CNTNAP5: variants seen among roughly 807,000 people sequenced by gnomAD.
The protein encoded by CNTNAP5 is contactin-associated protein-like 5.
A neutral mutation model predicts 150.2 loss-of-function variants in CNTNAP5; 72 were observed. That is an observed-to-expected ratio of 0.48 (90% CI 0.40 to 0.58). The LOEUF is 0.58. Among genes scored for constraint, CNTNAP5 ranks in the 20% least tolerant of loss-of-function variants. The pLI is 0.00. For missense variants in CNTNAP5, 1,636 were observed against 1,626.2 expected (o/e 1.01, Z -0.10); for synonymous variants, 672 against 619.8 (o/e 1.08, Z -1.25).
intron 13 of CNTNAP5, among the ~76,000 whole-genome samples, chr2:124,673,827 CGAT>C (rs1678871952): frequency 6.7e-6 from 1 of 149,610 alleles, no homozygotes; most frequent in Non-Finnish European, 1.5e-5. Flanking sequence ...AATATTTTCA[CGAT>C]GATAAGGTAC....
At chr2:124,778,961 C>T (rs537620768) in intron 17 of CNTNAP5, among the ~76,000 whole-genome samples, 1 of 152,154 alleles carries the variant, frequency 6.6e-6, no homozygotes, top group Non-Finnish European at 1.5e-5. Context: ...TGCTCCAATT[C>T]GGCTTCCAGT....
intron 22 of CNTNAP5, among the ~76,000 whole-genome samples, chr2:124,904,659 G>A (rs925171978): frequency 6.6e-6 from 1 of 152,062 alleles, no homozygotes; most frequent in Non-Finnish European, 1.5e-5. Flanking sequence ...TTGTGATGGG[G>A]AAATTGAATA....
At chr2:124,826,682 T>C (rs1029732348) in intron 19 of CNTNAP5, among the ~76,000 whole-genome samples, 3 of 152,060 alleles carry the variant, frequency 2.0e-5, no homozygotes, top group African/African-American at 7.2e-5. Context: ...CTGGAAGCTA[T>C]GGGGTAGGGC....
At chr2:124,145,789 T>A (rs1218069535) in intron 1 of CNTNAP5, among the ~76,000 whole-genome samples, 1 of 35,416 alleles carries the variant, frequency 2.8e-5, no homozygotes, top group Non-Finnish European at 5.3e-5. Flanking sequence ...AAACTTAAAG[T>A]ATAATAAAAA....
chr2:124,313,567 A>T (rs1688886076), intron 3 of CNTNAP5, among the ~76,000 whole-genome samples: 1 of 152,198 alleles, frequency 6.6e-6, no homozygotes, highest in Non-Finnish European at 1.5e-5. Flanking sequence ...CTGTCTTAAC[A>T]TACATTTCTA....
At chr2:124,530,483 C>T (rs1290502674) in intron 10 of CNTNAP5, among the ~76,000 whole-genome samples, 1 of 152,166 alleles carries the variant, frequency 6.6e-6, no homozygotes, top group East Asian at 1.9e-4. Flanking sequence ...TATTTACAAA[C>T]CACCTTTGAT....
At chr2:124,719,732 T>G (rs886132210) in intron 13 of CNTNAP5, among the ~76,000 whole-genome samples, 1 of 152,172 alleles carries the variant, frequency 6.6e-6, no homozygotes, top group Non-Finnish European at 1.5e-5. Context: ...AATTAATCTT[T>G]TTTATTATGA....
chr2:124,607,636 T>A (rs754322470), intron 11 of CNTNAP5, among the ~76,000 whole-genome samples: 73 of 152,150 alleles, frequency 4.8e-4, no homozygotes, highest in Non-Finnish European at 9.0e-4. Flanking sequence ...TTGTCCACGC[T>A]TCCACAGGGA....
chr2:124,436,105 G>T (rs769553116), intron 5 of CNTNAP5, among the ~76,000 whole-genome samples: 9 of 152,204 alleles, frequency 5.9e-5, no homozygotes, highest in Non-Finnish European at 1.0e-4. Context: ...GATGAATGAA[G>T]TTGAACCTCC....
At chr2:124,566,194 A>G (rs2104933931) in intron 11 of CNTNAP5, among the ~76,000 whole-genome samples, 1 of 152,288 alleles carries the variant, frequency 6.6e-6, no homozygotes, top group Non-Finnish European at 1.5e-5. Context: ...GAAGTCAGAG[A>G]CAACTGAAAT....
intron 16 of CNTNAP5, among the ~76,000 whole-genome samples, chr2:124,766,506 C>T (rs755986903): frequency 3.5e-4 from 53 of 151,952 alleles, no homozygotes; most frequent in Non-Finnish European, 7.4e-4. Context: ...ACAATACATA[C>T]AAGGAAAAAG....
At chr2:124,835,981 T>C (rs923662005) in intron 19 of CNTNAP5, among the ~76,000 whole-genome samples, 7 of 152,234 alleles carry the variant, frequency 4.6e-5, no homozygotes, top group African/African-American at 1.7e-4. Context: ...AGTTAGATTA[T>C]TCAGAAAATA....
chr2:124,190,122 C>T (rs996675807), intron 1 of CNTNAP5, among the ~76,000 whole-genome samples: 16 of 152,162 alleles, frequency 1.1e-4, no homozygotes, highest in Admixed American at 6.5e-5. Flanking sequence ...ATATGTTTTG[C>T]TAGACCACTT....
chr2:124,710,368 A>G (rs1297271531), intron 13 of CNTNAP5, among the ~76,000 whole-genome samples: 3 of 152,214 alleles, frequency 2.0e-5, no homozygotes, highest in Non-Finnish European at 4.4e-5. Flanking sequence ...TAAGCAAAAT[A>G]AAACAAGCTT....
intron 1 of CNTNAP5, among the ~76,000 whole-genome samples, chr2:124,166,087 T>G: frequency 6.6e-6 from 1 of 152,162 alleles, no homozygotes; most frequent in East Asian, 1.9e-4. Flanking sequence ...GATCCCAGAA[T>G]TCATGTTTTC....
intron 1 of CNTNAP5, among the ~76,000 whole-genome samples, chr2:124,114,629 T>C (rs1310176308): frequency 6.6e-6 from 1 of 151,742 alleles, no homozygotes; most frequent in African/African-American, 2.4e-5. Context: ...CTTATTACAT[T>C]GAAAAGGACC....
At position 124,082,745 on chromosome 2, in the gene CNTNAP5, T is replaced by G. The variant is rs925919192; in HGVS notation, c.82+57013T>G. Among the ~76,000 whole-genome samples, 7 of 152,230 alleles carry G rather than the reference T, an allele frequency of 4.6e-5. No homozygotes were observed. In the East Asian group the frequency reaches 1.3e-3, roughly 29 times the overall value. On this transcript the variant is annotated intron_variant, in intron 1 of 23. Coordinates refer to ENST00000682447, the MANE Select transcript of CNTNAP5 (RefSeq NM_001367498.1). ...TCTGTCAAACTGTATTCCAAGTATC[T>G]CTACCATTTTATATTCCTACCAGCA...
intron 3 of CNTNAP5, among the ~76,000 whole-genome samples, chr2:124,370,264 G>T (rs1209051470): frequency 6.6e-6 from 1 of 152,142 alleles, no homozygotes; most frequent in Non-Finnish European, 1.5e-5. Flanking sequence ...AGTAAAGGTT[G>T]TGCTTTTTGG....
chr2:124,080,721 C>G lies in CNTNAP5; in HGVS notation c.82+54989C>G, dbSNP rs73954525. 5.3e-3 allele frequency among the ~76,000 whole-genome samples: 804 copies of G among 152,286 alleles called. 10 individuals carry two copies. The highest frequency in any genetic ancestry group is 0.018 in the African/African-American group (759 of 41,568). The stretch of plus-strand genomic sequence containing the variant: ...TTGAAAATACCTTGACTGAAATTTG[C>G]TGACTGCTCATTCTTGGCTTGAAAT... On this transcript the variant is annotated intron_variant, in intron 1 of 23. Transcript: ENST00000682447.
Sources: gnomAD v4.1 joint callset for allele counts (sites outside exome capture counted in the v4.1 genomes callset) on GRCh38, gnomAD v4.1.1 for gene constraint, MANE v1.5 for transcripts, NCBI Gene and HGNC (gene_info 2026-07-23, HGNC 2026-07-21) for gene names.